The following MOB3B variants were observed in gnomAD, a reference collection of about 807,000 sequenced individuals.
MOB3B encodes the protein MOB kinase activator-like 2B.
MOB3B carries 7 observed loss-of-function variants against 18.7 expected under a neutral mutation model. The observed-to-expected ratio is 0.37, with a 90% confidence interval of 0.21 to 0.70. The LOEUF is 0.70. Ranked by LOEUF, MOB3B falls within the 30% of genes least tolerant of loss-of-function variation. The pLI, the probability that MOB3B is intolerant of heterozygous loss-of-function variation, is 0.52. For synonymous variants in MOB3B, 111 were observed against 99.9 expected (o/e 1.11, Z -0.66); for missense variants, 253 against 281.3 (o/e 0.90, Z 0.72).
chr9:27,359,331 C>T (rs1821238844), intron 2 of MOB3B, 95 bp from the exon 3 acceptor site: 2 of 1,038,414 alleles, frequency 1.9e-6, no homozygotes, highest in East Asian at 2.6e-5. Context: ...GGCAATGCTA[C>T]AGGGAGACTG....
At chr9:27,331,352 A>T (rs1010474145) in intron 3 of MOB3B, among the ~76,000 whole-genome samples, 10 of 152,082 alleles carry the variant, frequency 6.6e-5, no homozygotes, top group African/African-American at 2.4e-4. Context: ...AGGTAAGGTG[A>T]CTTTTACCTG....
At chr9:27,476,757 T>C (rs1819558838) in intron 1 of MOB3B, among the ~76,000 whole-genome samples, 1 of 152,206 alleles carries the variant, frequency 6.6e-6, no homozygotes, top group Non-Finnish European at 1.5e-5. Flanking sequence ...GGAGTATTAC[T>C]GGCTAGGAGT....
At chr9:27,379,521 G>A (rs1190216351) in intron 2 of MOB3B, among the ~76,000 whole-genome samples, 1 of 152,104 alleles carries the variant, frequency 6.6e-6, no homozygotes. Context: ...ATGAGGAAAC[G>A]ACAGAGGAAG....
chr9:27,467,625 C>T (rs1236618453), intron 1 of MOB3B, among the ~76,000 whole-genome samples: 1 of 152,238 alleles, frequency 6.6e-6, no homozygotes, highest in African/African-American at 2.4e-5. Flanking sequence ...TCTCTATGTC[C>T]TTTTACTAAC....
At chr9:27,518,784 T>C (rs1282699956) in intron 1 of MOB3B, among the ~76,000 whole-genome samples, 1 of 152,202 alleles carries the variant, frequency 6.6e-6, no homozygotes, top group Non-Finnish European at 1.5e-5. Context: ...GGAATGGTCT[T>C]AGAACTTCTC....
At chr9:27,462,176 T>C (rs1314015878) in intron 1 of MOB3B, among the ~76,000 whole-genome samples, 2 of 152,310 alleles carry the variant, frequency 1.3e-5, no homozygotes, top group South Asian at 2.1e-4. Flanking sequence ...TTTAATCTTA[T>C]AAAGATTATA....
chr9:27,477,033 T>A (rs990510449), intron 1 of MOB3B, among the ~76,000 whole-genome samples: 2 of 152,158 alleles, frequency 1.3e-5, no homozygotes, highest in Non-Finnish European at 2.9e-5. Context: ...TGCATCACAA[T>A]CAGAGGAGTC....
At chr9:27,503,950 C>T (rs996951428) in intron 1 of MOB3B, among the ~76,000 whole-genome samples, 8 of 152,240 alleles carry the variant, frequency 5.3e-5, no homozygotes, top group Non-Finnish European at 1.0e-4. Flanking sequence ...GCATCACAGC[C>T]ATCTTCTCCC....
intron 1 of MOB3B, among the ~76,000 whole-genome samples, chr9:27,514,444 A>G (rs1820199729): frequency 6.6e-6 from 1 of 151,894 alleles, no homozygotes; most frequent in Non-Finnish European, 1.5e-5. Context: ...CAAACCTCTG[A>G]CAATGTGGAA....
At chr9:27,413,039 C>T (rs1822095152) in intron 2 of MOB3B, among the ~76,000 whole-genome samples, 1 of 152,208 alleles carries the variant, frequency 6.6e-6, no homozygotes, top group Admixed American at 6.5e-5. Context: ...ATCTGCCCAG[C>T]CAAGTAATAA....
chr9:27,378,692 T>C, intron 2 of MOB3B: 1 of 471,130 alleles, frequency 2.1e-6, no homozygotes, highest in South Asian at 1.5e-5. Context: ...TGGGGAATCC[T>C]GTGCATCTTT....
intron 2 of MOB3B, among the ~76,000 whole-genome samples, chr9:27,371,654 G>T (rs1821416047): frequency 6.6e-6 from 1 of 152,140 alleles, no homozygotes; most frequent in South Asian, 2.1e-4. Context: ...GGATTACAAA[G>T]GAACATGAAT....
chr9:27,337,054 C>G (rs1820875220), intron 3 of MOB3B, among the ~76,000 whole-genome samples: 2 of 152,200 alleles, frequency 1.3e-5, no homozygotes, highest in Admixed American at 6.5e-5. Flanking sequence ...GGCCCTGTGG[C>G]CTGCCGTCAG....
intron 2 of MOB3B, among the ~76,000 whole-genome samples, chr9:27,399,381 G>T (rs1027802715): frequency 6.6e-6 from 1 of 152,136 alleles, no homozygotes; most frequent in Non-Finnish European, 1.5e-5. Context: ...AGCACACAAG[G>T]GCAGGTGGAA....
At chr9:27,435,819 T>C (rs951580295) in intron 2 of MOB3B, among the ~76,000 whole-genome samples, 1 of 152,154 alleles carries the variant, frequency 6.6e-6, no homozygotes, top group Non-Finnish European at 1.5e-5. Flanking sequence ...CAGGCTGGTC[T>C]TGAACTCCTG....
intron 1 of MOB3B, among the ~76,000 whole-genome samples, chr9:27,514,571 G>A (rs1035586554): frequency 2.6e-5 from 4 of 152,200 alleles, no homozygotes; most frequent in African/African-American, 9.7e-5. Flanking sequence ...TTTCCCAGAA[G>A]TTCCTCTGTA....
Position 27,326,474 on chromosome 9 carries a change from C to T in MOB3B, c.*4113G>A. On this transcript the variant is annotated 3_prime_UTR_variant, in exon 4 of 4. Transcript: ENST00000262244. ...GATATACTGAAACTCAAAAAGAATA[C>T]TTCAGCTCGAGTTGAATGGAATTCA... is the stretch of plus-strand genomic sequence containing the variant. 2.5e-6 allele frequency: 1 copy of T among 398,552 alleles called. No homozygotes were observed. Among genetic ancestry groups the T allele is most frequent in the Non-Finnish European group, 4.4e-6 (1 of 226,054 alleles). 24.7% of individuals were successfully genotyped at this position (398,552 alleles called of 1,614,324 possible).
At chr9:27,341,326 C>T (rs976669297) in intron 3 of MOB3B, among the ~76,000 whole-genome samples, 3 of 152,200 alleles carry the variant, frequency 2.0e-5, no homozygotes, top group African/African-American at 4.8e-5. Flanking sequence ...GAATTTACCT[C>T]CCCTGGGAAA....
At chr9:27,397,905 C>T (rs1288891694) in intron 2 of MOB3B, among the ~76,000 whole-genome samples, 2 of 152,080 alleles carry the variant, frequency 1.3e-5, no homozygotes, top group African/African-American at 2.4e-5. Context: ...TAGTATCTAC[C>T]CGTTAGATGC....
Sources: gnomAD v4.1 joint callset for allele counts (sites outside exome capture counted in the v4.1 genomes callset) on GRCh38, gnomAD v4.1.1 for gene constraint, MANE v1.5 for transcripts, NCBI Gene and HGNC (gene_info 2026-07-23, HGNC 2026-07-21) for gene names.